DAB1: variants seen among roughly 807,000 people sequenced by gnomAD.
DAB1 encodes disabled homolog 1.
Under a neutral mutation model 64.6 loss-of-function variants are expected in DAB1, and 15 were observed. That is an observed-to-expected ratio of 0.23 (90% CI 0.16 to 0.36). DAB1 has a LOEUF of 0.36. Ranked by LOEUF, DAB1 falls within the 10% of genes least tolerant of loss-of-function variation. The probability of loss-of-function intolerance (pLI) is 1.00; values close to 1 mark genes in which losing one functional copy is unlikely to be tolerated. For synonymous variants in DAB1, 235 were observed against 251.9 expected, an observed-to-expected ratio of 0.93 and a Z score of 0.64; for missense variants, 596 against 706.7, an observed-to-expected ratio of 0.84 and a Z score of 1.78.
intron 1 of DAB1, among the ~76,000 whole-genome samples, chr1:57,337,600 T>A (rs1425010690): frequency 6.6e-6 from 1 of 152,242 alleles, no homozygotes; most frequent in East Asian, 1.9e-4. Context: ...CCCTGTAATT[T>A]ACACATTTAT....
intron 2 of DAB1, among the ~76,000 whole-genome samples, chr1:57,177,270 T>C (rs960504263): frequency 6.6e-6 from 1 of 152,172 alleles, no homozygotes; most frequent in Admixed American, 6.5e-5. Flanking sequence ...TAAGATGTTA[T>C]ATACATACAC....
intron 1 of DAB1, among the ~76,000 whole-genome samples, chr1:57,850,403 G>A (rs1653466369): frequency 6.6e-6 from 1 of 151,868 alleles, no homozygotes; most frequent in African/African-American, 2.4e-5. Flanking sequence ...CTGTAAAAAG[G>A]CGCAGAGGTG....
chr1:57,786,747 C>T (rs911245960), intron 6 of DAB1, among the ~76,000 whole-genome samples: 1 of 152,110 alleles, frequency 6.6e-6, no homozygotes, highest in African/African-American at 2.4e-5. Flanking sequence ...AGAATATAGG[C>T]TCTTGAAAAC....
chr1:57,884,548 A>G (rs1296748281), upstream of DAB1, among the ~76,000 whole-genome samples: 1 of 152,274 alleles, frequency 6.6e-6, no homozygotes, highest in Non-Finnish European at 1.5e-5. Flanking sequence ...AATACCTTAA[A>G]GCAGAATTAT....
intron 5 of DAB1, among the ~76,000 whole-genome samples, chr1:58,036,644 A>T (rs1451948105): frequency 6.6e-6 from 1 of 152,220 alleles, no homozygotes; most frequent in East Asian, 1.9e-4. Context: ...CTGTGGTAGT[A>T]AAGCCCAGCA....
At chr1:57,085,309 C>T (rs1479502252) in intron 4 of DAB1, among the ~76,000 whole-genome samples, 1 of 152,236 alleles carries the variant, frequency 6.6e-6, no homozygotes, top group African/African-American at 2.4e-5. Flanking sequence ...CTTCTTGTCC[C>T]TCCTTCCTGG....
intron 7 of DAB1, among the ~76,000 whole-genome samples, chr1:57,504,841 A>G (rs1017545015): frequency 2.0e-5 from 3 of 152,218 alleles, no homozygotes; most frequent in Non-Finnish European, 2.9e-5. Flanking sequence ...AAAAATCTAT[A>G]ACCCCAATTT....
intron 4 of DAB1, among the ~76,000 whole-genome samples, chr1:58,338,985 A>T (rs944795594): frequency 2.6e-5 from 4 of 152,188 alleles, no homozygotes; most frequent in African/African-American, 9.7e-5. Flanking sequence ...AAGTGAATTG[A>T]TGGCTGTCAG....
At position 57,312,119 on chromosome 1, in the gene DAB1, A is replaced by G. The variant is rs149844188; in HGVS notation, c.-136-20953T>C. ...AGGTGAATAAGATTTACACATTTTT[A>G]TGCCATCCATAATCTCATGTGATCC... On this transcript the variant is annotated intron_variant, in intron 1 of 14. Transcript: ENST00000371236. Among the ~76,000 whole-genome samples, 6 of 152,328 alleles carry G rather than the reference A, an allele frequency of 3.9e-5. No homozygotes were observed. In the East Asian group the frequency reaches 9.7e-4, roughly 25 times the overall value.
chr1:57,263,116 TA>T lies in DAB1; in HGVS notation c.67+27847del, dbSNP rs570522995. Among the ~76,000 whole-genome samples the T allele has an allele frequency of 7.2e-4, 92 of 127,486 alleles. 1 individual carries two copies. The South Asian group carries it at 0.021, about 30-fold the overall frequency. The allele number at this position is 127,486 out of a possible 152,430, so 83.6% of individuals were successfully genotyped here. A position where few individuals can be genotyped will look rare whatever the true frequency, so the allele number is the denominator to read the frequency against. ...TTTCATCATCTATGGAATAAGAAGA[TA>T]AAATTTTTTTTTTTTTGAGACGGAG... On this transcript the variant is annotated intron_variant, in intron 2 of 14. Transcript: ENST00000371236.
intron 3 of DAB1, among the ~76,000 whole-genome samples, chr1:58,391,578 A>T (rs1264775843): frequency 1.3e-5 from 2 of 152,104 alleles, no homozygotes; most frequent in Non-Finnish European, 2.9e-5. Context: ...TCAACAGAGG[A>T]TACTCTCAAC....
At chr1:58,048,853 C>T (rs1647425483) in intron 5 of DAB1, 1 of 1,008,064 alleles carries the variant, frequency 9.9e-7, no homozygotes, top group Non-Finnish European at 1.6e-6. Context: ...AAAGGCAAAG[C>T]CCCTTTTTCT....
chr1:58,300,648 G>GAGAGAGAGAGAGA (rs1557726346), intron 4 of DAB1, among the ~76,000 whole-genome samples: 3 of 51,774 alleles, frequency 5.8e-5, no homozygotes, highest in Non-Finnish European at 7.9e-5. Context: ...GAGAGAGAGA[G>GAGAGAGAGAGAGA]GAAGGAAGGA....
intron 3 of DAB1, among the ~76,000 whole-genome samples, chr1:58,434,689 G>A (rs946711903): frequency 2.0e-5 from 3 of 152,188 alleles, no homozygotes; most frequent in Non-Finnish European, 4.4e-5. Flanking sequence ...TAACGTTATA[G>A]GTGGAGAAAA....
chr1:57,345,492 T>G (rs181145581), intron 1 of DAB1, among the ~76,000 whole-genome samples: 269 of 152,330 alleles, frequency 1.8e-3, no homozygotes, highest in Middle Eastern at 0.01. Flanking sequence ...GAAAAGCCAC[T>G]GTTTCTTCTT....
At chr1:58,472,575 T>G (rs112181931) in intron 3 of DAB1, among the ~76,000 whole-genome samples, 22 of 152,290 alleles carry the variant, frequency 1.4e-4, no homozygotes, top group African/African-American at 5.3e-4. Context: ...CTATCTGTTC[T>G]TCTTAAGTCA....
At chr1:58,140,066 C>A (rs1654191433) in intron 5 of DAB1, among the ~76,000 whole-genome samples, 1 of 152,192 alleles carries the variant, frequency 6.6e-6, no homozygotes, top group Admixed American at 6.5e-5. Flanking sequence ...CCTCCCACCC[C>A]TACCGTACTA....
At chr1:57,101,509 C>T (rs1319072617) in intron 4 of DAB1, among the ~76,000 whole-genome samples, 1 of 152,184 alleles carries the variant, frequency 6.6e-6, no homozygotes, top group Non-Finnish European at 1.5e-5. Context: ...CTATCTGAAC[C>T]AAATCCAATC....
rs1039267402 is a variant in DAB1, at chr1:56,998,080, G to A, written c.*64C>T. The A allele has an allele frequency of 2.6e-5, 4 of 152,566 alleles. No homozygotes were observed. Among genetic ancestry groups the A allele is most frequent in the African/African-American group, 9.7e-5 (4 of 41,440 alleles). The allele number at this position is 152,566 out of a possible 1,614,324, so 9.5% of individuals were successfully genotyped here. ...TGAGCACCCACCACGAGCTCGCATC[G>A]ATGCTATTTCTTAGGTCTGTTGATC... On this transcript the variant is annotated 3_prime_UTR_variant, in exon 15 of 15. Transcript: ENST00000371236.
Sources: gnomAD v4.1 joint callset for allele counts (sites outside exome capture counted in the v4.1 genomes callset) on GRCh38, gnomAD v4.1.1 for gene constraint, MANE v1.5 for transcripts, NCBI Gene and HGNC (gene_info 2026-07-23, HGNC 2026-07-21) for gene names.